Variants in TIPIN observed in about 807,000 individuals in gnomAD.
TIPIN encodes the protein TIMELESS-interacting protein.
Under a neutral mutation model 35.6 loss-of-function variants are expected in TIPIN, and 29 were observed. That is an observed-to-expected ratio of 0.82 (90% CI 0.61 to 1.11). TIPIN has a LOEUF of 1.11. Ranked by LOEUF, TIPIN falls within the 50% of genes most tolerant of loss-of-function variation. The pLI is 0.00. For missense variants in TIPIN, 296 were observed against 345.4 expected, an observed-to-expected ratio of 0.86 and a Z score of 1.13; for synonymous variants, 102 against 121.5, an observed-to-expected ratio of 0.84 and a Z score of 1.06.
At chr15:66,338,073 T>G (rs2093058096) in intron 7 of TIPIN, among the ~76,000 whole-genome samples, 1 of 151,958 alleles carries the variant, frequency 6.6e-6, no homozygotes, top group African/African-American at 2.4e-5. Flanking sequence ...CTGGCCAATA[T>G]GGTGAAACCC....
At chr15:66,383,720 G>C (rs1263839357) in intron 1 of TIPIN, 1 of 342,080 alleles carries the variant, frequency 2.9e-6, no homozygotes, top group African/African-American at 2.2e-5. Flanking sequence ...GGGAGATGTA[G>C]GTCAAAGAAT....
chr15:66,352,788 C>A, intron 2 of TIPIN, 27 bp downstream of exon 2: 1 of 1,578,772 alleles, frequency 6.3e-7, no homozygotes, highest in Non-Finnish European at 8.6e-7. Flanking sequence ...GCCTCACAGC[C>A]TCCTTTTTAA....
Position 66,341,324 on chromosome 15 carries a change from T to C in TIPIN, c.508A>G (p.Thr170Ala), listed in dbSNP as rs759488177. Residue 170 changes from threonine (T) to alanine (A), a missense_variant, in exon 7 of 8, where the codon ACT (threonine) becomes GCT (alanine). Thr to Ala is a moderately conservative substitution (Grantham distance 58). Coordinates refer to ENST00000261881, the MANE Select transcript of TIPIN (RefSeq NM_017858.3). ...AGAAAGGGATCTAATTCAGTAGAAG[T>C]GACATCATGTTCATTATTCTCCGCA... ...EVAENNEHDV[T>A]STELDPFLTN... is the part of the protein sequence containing the mutation. 3 of 1,613,752 alleles carry C rather than the reference T, an allele frequency of 1.9e-6. No individual in the cohort carries two copies. In the South Asian group the frequency reaches 3.3e-5, roughly 18 times the overall value.
chr15:66,360,086 G>A (rs995340764), upstream of TIPIN, among the ~76,000 whole-genome samples: 4 of 152,018 alleles, frequency 2.6e-5, no homozygotes, highest in African/African-American at 7.2e-5. Context: ...TTTCCTCATA[G>A]GGTTGTAAAG....
At chr15:66,386,107 A>G (rs116107913) in intron 1 of TIPIN, among the ~76,000 whole-genome samples, 1,884 of 150,624 alleles carry the variant, frequency 0.013, 31 homozygotes, top group African/African-American at 0.042. Context: ...AATATTGCCA[A>G]CATGGTGAAA....
At position 66,336,975 on chromosome 15, in the gene TIPIN, T is replaced by C. The variant is rs1167008776; in HGVS notation, c.889A>G (p.Ile297Val). ...QQQLDATSRN[I>V]TEAR ...ATGGAAACTTATCTAGCTTCAGTAA[T>C]ATTTCTGGATGTAGCATCAAGTTGC... The change falls in exon 8 of 8, where the codon ATT becomes GTT. Residue 297 changes from isoleucine (I) to valine (V), a missense_variant. By Grantham distance (29) the Ile-to-Val change is conservative (BLOSUM62 3). Transcript: ENST00000261881. 1 of 1,611,372 alleles carries C rather than the reference T, an allele frequency of 6.2e-7. No individual in the cohort carries two copies. Among genetic ancestry groups the C allele is most frequent in the Non-Finnish European group, 8.5e-7 (1 of 1,177,916 alleles).
upstream of TIPIN, among the ~76,000 whole-genome samples, chr15:66,360,567 C>T (rs557873946): frequency 3.9e-5 from 6 of 152,316 alleles, no homozygotes; most frequent in South Asian, 6.2e-4. Context: ...CAGTGGCTCC[C>T]GTCTGTAATC....
At chr15:66,377,483 G>C (rs545774697) in intron 1 of TIPIN, among the ~76,000 whole-genome samples, 78 of 152,214 alleles carry the variant, frequency 5.1e-4, no homozygotes, top group African/African-American at 1.8e-3. Context: ...TCCTGCCTCA[G>C]CCTCCTGAGC....
chr15:66,358,283 T>G (rs2093216051), upstream of TIPIN, among the ~76,000 whole-genome samples: 1 of 152,196 alleles, frequency 6.6e-6, no homozygotes, highest in African/African-American at 2.4e-5. Flanking sequence ...TAATTTTTTT[T>G]GAACATACAA....
chr15:66,337,976 C>T (rs2093057601), intron 7 of TIPIN, among the ~76,000 whole-genome samples: 1 of 152,038 alleles, frequency 6.6e-6, no homozygotes, highest in Non-Finnish European at 1.5e-5. Context: ...CTACTATTGG[C>T]CAGGCACAGT....
chr15:66,360,813 A>C (rs1352927736), upstream of TIPIN, among the ~76,000 whole-genome samples: 1 of 152,198 alleles, frequency 6.6e-6, no homozygotes, highest in East Asian at 1.9e-4. Context: ...CTAAAAATAC[A>C]AAATTAGCCC....
rs901157231 is a variant in TIPIN, at chr15:66,336,553, C to CA, written c.*404dup. ...TGGCCAACAGAGTGAGACTCTGTGT[C>CA]AAAAAAAACAAAACAAAACAAAACA... On this transcript the variant is annotated 3_prime_UTR_variant, in exon 8 of 8. Transcript: ENST00000261881. 1.5e-4 allele frequency: 26 copies of CA among 179,204 alleles called. No homozygotes were observed. Among genetic ancestry groups the CA allele is most frequent in the East Asian group, 1.3e-3 (9 of 7,188 alleles). The allele number at this position is 179,204 out of a possible 1,614,324, so 11.1% of individuals were successfully genotyped here.
At chr15:66,349,853 C>A (rs1351554533) in intron 4 of TIPIN, among the ~76,000 whole-genome samples, 1 of 152,070 alleles carries the variant, frequency 6.6e-6, no homozygotes, top group Non-Finnish European at 1.5e-5. Flanking sequence ...GCACTCCAGA[C>A]TGGGTGACAG....
intron 1 of TIPIN, 113 bp downstream of exon 1, chr15:66,356,526 A>T: frequency 1.2e-6 from 1 of 848,866 alleles, no homozygotes; most frequent in Non-Finnish European, 1.4e-6. Context: ...TCCTGCGACA[A>T]TTAGGCTTTC....
intron 6 of TIPIN, 151 bp downstream of exon 6, chr15:66,348,909 C>T (rs973169380): frequency 1.6e-5 from 10 of 625,126 alleles, no homozygotes; most frequent in Non-Finnish European, 2.8e-5. Flanking sequence ...TGTGCTACTG[C>T]ACTCCAGACT....
intron 1 of TIPIN, among the ~76,000 whole-genome samples, chr15:66,374,785 T>C (rs536669217): frequency 2.0e-5 from 3 of 152,272 alleles, no homozygotes; most frequent in South Asian, 2.1e-4. Flanking sequence ...TTTCACCATA[T>C]TGCCCAGGCT....
At chr15:66,378,297 G>A (rs901171228) in intron 1 of TIPIN, among the ~76,000 whole-genome samples, 6 of 151,214 alleles carry the variant, frequency 4.0e-5, no homozygotes, top group East Asian at 1.9e-4. Context: ...CACCGCACCC[G>A]GCCAAATTTT....
intron 6 of TIPIN, among the ~76,000 whole-genome samples, chr15:66,342,740 A>G (rs2093097715): frequency 6.6e-6 from 1 of 152,226 alleles, no homozygotes; most frequent in Admixed American, 6.6e-5. Flanking sequence ...AAAGAAATTT[A>G]AAACTTTATG....
At chr15:66,372,906 G>GAA (rs917410174) in intron 1 of TIPIN, among the ~76,000 whole-genome samples, 1 of 142,764 alleles carries the variant, frequency 7.0e-6, no homozygotes, top group Admixed American at 7.0e-5. Context: ...CCGTCTTGGG[G>GAA]AAAAAAAAAA....
Sources: allele counts gnomAD v4.1 joint callset (sites outside exome capture counted in the v4.1 genomes callset), GRCh38; gene constraint gnomAD v4.1.1; transcripts MANE v1.5; gene names NCBI Gene and HGNC (gene_info 2026-07-23, HGNC 2026-07-21).